ZNF329: variants seen among roughly 807,000 people sequenced by gnomAD.
ZNF329 encodes the protein zinc finger protein 329.
Under a neutral mutation model 26.6 loss-of-function variants are expected in ZNF329, and 15 were observed. That is an observed-to-expected ratio of 0.56 (90% CI 0.38 to 0.87). ZNF329 has a LOEUF of 0.87. Ranked by LOEUF, ZNF329 falls within the 40% of genes least tolerant of loss-of-function variation. The pLI is 0.00. For synonymous variants in ZNF329, 239 were observed against 233.5 expected, an observed-to-expected ratio of 1.02 and a Z score of -0.21; for missense variants, 651 against 651.9, an observed-to-expected ratio of 1.00 and a Z score of 0.02.
chr19:58,144,355 TC>T (rs2075253259), intron 1 of ZNF329, among the ~76,000 whole-genome samples: 1 of 76,886 alleles, frequency 1.3e-5, no homozygotes, highest in African/African-American at 5.0e-5. Flanking sequence ...TACATCTATA[TC>T]TATCTATCTA....
At chr19:58,143,612 CATTTAATA>C (rs2075234078) in intron 1 of ZNF329, among the ~76,000 whole-genome samples, 2 of 152,044 alleles carry the variant, frequency 1.3e-5, no homozygotes, top group Admixed American at 1.3e-4. Flanking sequence ...GACTTGGAGG[CATTTAATA>C]ATTTAAAAGG....
rs1384896545 is a variant in ZNF329 at position 58,128,302 on chromosome 19, C to A, written c.1202G>T (p.Cys401Phe). Residue 401 changes from cysteine to phenylalanine, a missense_variant, in exon 4 of 4, where the codon TGT becomes TTT. Transcript: ENST00000598312. ...KIHSGEKPYE[C>F]KECGKTFIES... ...GATGAAAGTCTTGCCACATTCTTTA[C>A]ATTCATAGGGTTTCTCCCCAGAATG... is the stretch of plus-strand genomic sequence containing the variant. 2 of 1,613,184 alleles carry A rather than the reference C, an allele frequency of 1.2e-6. No individual in the cohort carries two copies. The highest frequency in any genetic ancestry group is 2.2e-5 in the South Asian group (2 of 91,022).
intron 1 of ZNF329, among the ~76,000 whole-genome samples, chr19:58,150,297 C>G (rs904313382): frequency 1.6e-4 from 25 of 152,358 alleles, no homozygotes; most frequent in Non-Finnish European, 3.5e-4. Context: ...CCCACTGGCT[C>G]ACGGCCGCCA....
chr19:58,144,069 G>A (rs772083192), intron 1 of ZNF329, among the ~76,000 whole-genome samples: 2 of 151,850 alleles, frequency 1.3e-5, no homozygotes, highest in African/African-American at 4.8e-5. Flanking sequence ...CAACAACAGC[G>A]AGACTCAGTC....
intron 3 of ZNF329, among the ~76,000 whole-genome samples, chr19:58,139,124 C>T (rs2075131456): frequency 6.6e-6 from 1 of 152,032 alleles, no homozygotes; most frequent in African/African-American, 2.4e-5. Context: ...GATTACGTCT[C>T]TCTTGGGGGT....
intron 3 of ZNF329, among the ~76,000 whole-genome samples, chr19:58,138,641 C>G (rs930634953): frequency 6.6e-6 from 1 of 152,162 alleles, no homozygotes; most frequent in African/African-American, 2.4e-5. Flanking sequence ...CCTGTGAAAA[C>G]AAGGGACTTG....
chr19:58,134,321 C>A (rs1250105955), intron 3 of ZNF329, among the ~76,000 whole-genome samples: 1 of 152,010 alleles, frequency 6.6e-6, no homozygotes, highest in African/African-American at 2.4e-5. Flanking sequence ...AACAAACAGA[C>A]AAAAAACCCG....
chr19:58,148,407 AAAAG>A (rs1280456342), intron 1 of ZNF329, among the ~76,000 whole-genome samples: 16 of 151,480 alleles, frequency 1.1e-4, no homozygotes, highest in African/African-American at 3.7e-4. Flanking sequence ...AAAAAAAAAA[AAAAG>A]AGAGGAAGGT....
At chr19:58,139,565 T>C (rs1331211621) in intron 3 of ZNF329, among the ~76,000 whole-genome samples, 2 of 152,190 alleles carry the variant, frequency 1.3e-5, no homozygotes, top group African/African-American at 2.4e-5. Flanking sequence ...AGAGCTCTCC[T>C]GTCTCCTCTT....
At position 58,135,340 on chromosome 19, in the gene ZNF329, G is replaced by A. The variant is rs558013083; in HGVS notation, c.-8-5829C>T. Among the ~76,000 whole-genome samples, 45 of 151,808 alleles carry A rather than the reference G, an allele frequency of 3.0e-4. No individual in the cohort carries two copies. The East Asian group carries it at 7.4e-3, about 25-fold the overall frequency. ...GGCTAGAGTGCAGTGGCACGATCTC[G>A]GCTCATTGCAACCTCTACCTCCCGG... On this transcript the variant is annotated intron_variant, in intron 3 of 3. Transcript: ENST00000598312.
intron 3 of ZNF329, among the ~76,000 whole-genome samples, chr19:58,137,928 G>A (rs2146093105): frequency 6.6e-6 from 1 of 152,078 alleles, no homozygotes; most frequent in African/African-American, 2.4e-5. Flanking sequence ...GCAGTGAACG[G>A]AGAGAGTGCC....
At chr19:58,143,791 T>G (rs978976989) in intron 1 of ZNF329, among the ~76,000 whole-genome samples, 6 of 152,026 alleles carry the variant, frequency 3.9e-5, no homozygotes, top group Non-Finnish European at 8.8e-5. Context: ...TTAGAAATAA[T>G]AGAACTAGGC....
intron 1 of ZNF329, among the ~76,000 whole-genome samples, chr19:58,145,784 A>C (rs1728853204): frequency 6.6e-6 from 1 of 152,188 alleles, no homozygotes; most frequent in Non-Finnish European, 1.5e-5. Flanking sequence ...AAAGCGGAGG[A>C]TCCTGGCAGA....
upstream of ZNF329, among the ~76,000 whole-genome samples, chr19:58,151,306 A>G (rs539138650): frequency 1.1e-4 from 17 of 152,320 alleles, no homozygotes; most frequent in Non-Finnish European, 2.1e-4. Context: ...CTAAATATTT[A>G]CTGACAGGGA....
At chr19:58,145,669 T>C (rs1568673938) in intron 1 of ZNF329, among the ~76,000 whole-genome samples, 1 of 151,982 alleles carries the variant, frequency 6.6e-6, no homozygotes, top group South Asian at 2.1e-4. Flanking sequence ...AGAAAAAGAT[T>C]TGAAACATCT....
In ZNF329 at chr19:58,127,854, G is replaced by C. The variant is rs1294527925; in HGVS notation, c.*24C>G. The C allele has an allele frequency of 6.4e-7, 1 of 1,554,142 alleles. No homozygotes were observed. Among genetic ancestry groups the C allele is most frequent in the Non-Finnish European group, 8.7e-7 (1 of 1,149,452 alleles). ...TAAACACAGGAGTGAGAGTGAACTGGAAGACTCATGTGGCCCCCAACCATT... is the reference window on the plus strand; with the variant it reads ...TAAACACAGGAGTGAGAGTGAACTGCAAGACTCATGTGGCCCCCAACCATT... On this transcript the variant is annotated 3_prime_UTR_variant, in exon 4 of 4. Coordinates refer to ENST00000598312, the MANE Select transcript of ZNF329 (RefSeq NM_024620.4).
intron 1 of ZNF329, among the ~76,000 whole-genome samples, chr19:58,145,582 A>T (rs922706397): frequency 4.6e-5 from 7 of 152,164 alleles, no homozygotes; most frequent in African/African-American, 1.4e-4. Context: ...TCAGCTTCCC[A>T]AGGTGCTGGG....
intron 3 of ZNF329, 129 bp from the exon 4 acceptor site, chr19:58,129,640 A>T: frequency 2.3e-6 from 2 of 867,098 alleles, no homozygotes; most frequent in Non-Finnish European, 3.4e-6. Flanking sequence ...ATTCAAATTT[A>T]TACAAGGAAG....
intron 3 of ZNF329, among the ~76,000 whole-genome samples, chr19:58,140,061 C>T (rs2075150874): frequency 1.3e-5 from 2 of 152,168 alleles, no homozygotes; most frequent in Non-Finnish European, 2.9e-5. Flanking sequence ...CACCAAATCT[C>T]ATGCTGAAAT....
Sources: allele counts gnomAD v4.1 joint callset (sites outside exome capture counted in the v4.1 genomes callset), GRCh38; gene constraint gnomAD v4.1.1; transcripts MANE v1.5; gene names NCBI Gene and HGNC (gene_info 2026-07-23, HGNC 2026-07-21).